The following PCM1 variants were observed in gnomAD, a reference collection of about 807,000 sequenced individuals.
The protein encoded by PCM1 is pericentriolar material 1 protein.
Under a neutral mutation model 241.9 loss-of-function variants are expected in PCM1, and 157 were observed. The observed-to-expected ratio is 0.65, with a 90% CI of 0.57 to 0.74. The LOEUF (loss-of-function observed/expected upper bound fraction) is 0.74, where lower values mean the gene tolerates loss of function less well. PCM1 is among the 30% of genes least tolerant of loss of function. The pLI is 0.00. For missense variants in PCM1, 3,478 were observed against 2,360.1 expected (o/e 1.47, Z -9.81); for synonymous variants, 1,085 against 784.9 (o/e 1.38, Z -6.39).
intron 30 of PCM1, 70 bp from the exon 31 acceptor site, chr8:18,009,477 C>G: frequency 9.9e-7 from 1 of 1,008,514 alleles, no homozygotes; most frequent in Non-Finnish European, 1.5e-6. Flanking sequence ...TTTTTCAGTA[C>G]TTAAAAGTAA....
In PCM1 at chr8:18,028,319, C is replaced by CT. The variant is rs1564498889; in HGVS notation, c.*657_*658insT. On this transcript the variant is annotated 3_prime_UTR_variant, in exon 39 of 39. Transcript: ENST00000325083. ...CAGTATCTAGAACTTACATCATTAT[C>CT]ATCTGTTTGTTAGGATTTGAAATTC... 7.0e-4 allele frequency: 8 copies of CT among 11,508 alleles called. No individual in the cohort carries two copies. The highest frequency in any genetic ancestry group is 4.8e-3 in the African/African-American group (5 of 1,040). 0.7% of individuals were successfully genotyped at this position (11,508 alleles called of 1,614,324 possible). A position where few individuals can be genotyped will look rare whatever the true frequency, so the allele number is the denominator to read the frequency against.
intron 27 of PCM1, among the ~76,000 whole-genome samples, chr8:17,991,019 C>G (rs1406600682): frequency 6.6e-6 from 1 of 151,648 alleles, no homozygotes; most frequent in Non-Finnish European, 1.5e-5. Flanking sequence ...TACTTCGACT[C>G]CTACGTATTT....
chr8:18,015,744 A>AC lies in PCM1; in HGVS notation c.5841+909dup, dbSNP rs747848371. 3.3e-5 allele frequency: 5 copies of AC among 152,032 alleles called. No homozygotes were observed. The South Asian group carries it at 6.2e-4, about 19-fold the overall frequency. 9.4% of individuals were successfully genotyped at this position (152,032 alleles called of 1,614,324 possible). A position where few individuals can be genotyped will look rare whatever the true frequency, so the allele number is the denominator to read the frequency against. ...GGTGTCAGAGTAGGATTTGAAAGAG[A>AC]CCCCCTGTGGCCTCTGGAAGCATCG... is the stretch of plus-strand genomic sequence containing the variant. On this transcript the variant is annotated intron_variant, in intron 36 of 38. Coordinates refer to ENST00000325083, the MANE Select transcript of PCM1 (RefSeq NM_006197.4).
chr8:17,937,867 T>C (rs571617962), intron 4 of PCM1, among the ~76,000 whole-genome samples: 32 of 152,156 alleles, frequency 2.1e-4, no homozygotes, highest in Middle Eastern at 3.2e-3. Flanking sequence ...CTATATGTCA[T>C]AGAGACACAC....
chr8:17,960,665 C>G (rs957972250), intron 15 of PCM1, among the ~76,000 whole-genome samples: 22 of 151,550 alleles, frequency 1.5e-4, no homozygotes, highest in Non-Finnish European at 1.5e-5. Context: ...GCTGGGACTT[C>G]AGGCACCCGC....
chr8:17,997,055 G>T (rs1310180960), intron 29 of PCM1, among the ~76,000 whole-genome samples: 1 of 152,008 alleles, frequency 6.6e-6, no homozygotes, highest in African/African-American at 2.4e-5. Flanking sequence ...TGGAAATAAA[G>T]TATTTAGTAT....
At position 17,972,368 on chromosome 8, in the gene PCM1, GA is replaced by G. The variant is rs754471467; in HGVS notation, c.3625del (p.Thr1209HisfsTer11). The G allele has an allele frequency of 6.4e-7, 1 of 1,566,576 alleles. No individual in the cohort carries two copies. The highest frequency in any genetic ancestry group is 8.7e-7 in the Non-Finnish European group (1 of 1,155,990). On this transcript the variant is annotated frameshift_variant, in exon 23 of 39. Coordinates refer to ENST00000325083, the MANE Select transcript of PCM1 (RefSeq NM_006197.4). LOFTEE classifies it high-confidence loss of function. ...CTGAAGAGGAGGTGGAAAGCAGTAG[GA>G]CACCATGGTTATATGAACAAGAAGG... ...LPEEEVESSRTPWLYEQEGEV... is the reference protein window; with the variant it reads ...LPEEEVESSRXPWLYEQEGEV...
chr8:17,924,293 G>A (rs547921980), intron 1 of PCM1, among the ~76,000 whole-genome samples: 1 of 152,154 alleles, frequency 6.6e-6, no homozygotes, highest in Non-Finnish European at 1.5e-5. Flanking sequence ...TAGTGACGAG[G>A]TTATTTTATT....
chr8:17,930,296 G>T (rs1248044672), intron 2 of PCM1, among the ~76,000 whole-genome samples: 1 of 151,288 alleles, frequency 6.6e-6, no homozygotes, highest in African/African-American at 2.4e-5. Flanking sequence ...GAGGTGACAG[G>T]GTTTCACCGT....
chr8:17,949,805 C>CT (rs1262076293), intron 7 of PCM1, among the ~76,000 whole-genome samples: 1 of 152,054 alleles, frequency 6.6e-6, no homozygotes, highest in African/African-American at 2.4e-5. Flanking sequence ...CCACCAATGT[C>CT]TGTTTTAGAG....
chr8:17,973,653 G>C (rs2077619088), intron 23 of PCM1, among the ~76,000 whole-genome samples: 1 of 151,646 alleles, frequency 6.6e-6, no homozygotes, highest in Non-Finnish European at 1.5e-5. Context: ...GGAGGCAGAG[G>C]TTGCAGTGAG....
chr8:18,011,090 T>G (rs994424632), intron 32 of PCM1, 147 bp from the exon 33 acceptor site: 1 of 549,262 alleles, frequency 1.8e-6, no homozygotes, highest in African/African-American at 2.0e-5. Flanking sequence ...CCTGACACTT[T>G]TTTATTTTAA....
chr8:18,009,408 A>G (rs1400115037), intron 30 of PCM1, 139 bp from the exon 31 acceptor site: 1 of 622,440 alleles, frequency 1.6e-6, no homozygotes, highest in South Asian at 2.1e-5. Flanking sequence ...ATATAGCAGT[A>G]TTCTTTAGTA....
At chr8:17,972,255 C>G (rs1219170796) in intron 22 of PCM1, 74 bp from the exon 23 acceptor site, 2 of 823,352 alleles carry the variant, frequency 2.4e-6, no homozygotes, top group Non-Finnish European at 3.6e-6. Flanking sequence ...CTCGAGTAGA[C>G]TATAAATTCA....
At chr8:17,944,722 A>G (rs189861123) in intron 6 of PCM1, among the ~76,000 whole-genome samples, 231 of 152,198 alleles carry the variant, frequency 1.5e-3, no homozygotes, top group Non-Finnish European at 2.7e-3. Context: ...TCCCTTCTGT[A>G]TATTTCATCA....
chr8:18,019,452 A>G, intron 36 of PCM1, among the ~76,000 whole-genome samples: 1 of 152,244 alleles, frequency 6.6e-6, no homozygotes, highest in African/African-American at 2.4e-5. Flanking sequence ...TATTTCTATT[A>G]TTATTACGTT....
chr8:17,972,380 A>G lies in PCM1; in HGVS notation c.3636A>G (p.Leu1212=), dbSNP rs761727079. The change falls in exon 23 of 39, where the codon TTA becomes TTG. Residue 1212 remains leucine, a synonymous_variant. Transcript: ENST00000325083. ...EEVESSRTPW[L]YEQEGEVEKP... is the part of the protein sequence containing the mutation. ...TGGAAAGCAGTAGGACACCATGGTT[A>G]TATGAACAAGAAGGTGAAGTAGAGA... 3.1e-6 allele frequency: 5 copies of G among 1,590,826 alleles called. No individual in the cohort carries two copies. In the East Asian group the frequency reaches 1.1e-4, roughly 36 times the overall value.
intron 36 of PCM1, among the ~76,000 whole-genome samples, chr8:18,017,747 G>A (rs1319168039): frequency 6.6e-6 from 1 of 152,204 alleles, no homozygotes; most frequent in African/African-American, 2.4e-5. Flanking sequence ...CAGCTACACA[G>A]GAGGCTGAGG....
At chr8:17,935,962 G>A (rs1456262363) in intron 3 of PCM1, among the ~76,000 whole-genome samples, 2 of 152,142 alleles carry the variant, frequency 1.3e-5, no homozygotes, top group African/African-American at 2.4e-5. Context: ...ATGCAGCTGG[G>A]TTTTAGGAAG....
Sources: gnomAD v4.1 joint callset for allele counts (sites outside exome capture counted in the v4.1 genomes callset) on GRCh38, gnomAD v4.1.1 for gene constraint, MANE v1.5 for transcripts, NCBI Gene and HGNC (gene_info 2026-07-23, HGNC 2026-07-21) for gene names.